HEMK2: variants seen among roughly 807,000 people sequenced by gnomAD.
The protein encoded by HEMK2 is HemK methyltransferase 2, ETF1 glutamine and histone H4 lysine.
At chr21:28,579,026 G>T in the HEMK2 span, among the ~76,000 whole-genome samples, 1 of 152,172 alleles carries the variant, frequency 6.6e-6, no homozygotes, top group African/African-American at 2.4e-5. Flanking sequence ...GGACTCCAGA[G>T]GTTATCAGAT....
At chr21:28,820,443 G>A in the HEMK2 span, among the ~76,000 whole-genome samples, 483 of 152,272 alleles carry the variant, frequency 3.2e-3, 3 homozygotes, top group Non-Finnish European at 5.4e-3. Flanking sequence ...ACAGACTTTT[G>A]TCACAAAACC....
chr21:28,614,816 G>T, the HEMK2 span, among the ~76,000 whole-genome samples: 1 of 151,986 alleles, frequency 6.6e-6, no homozygotes, highest in Non-Finnish European at 1.5e-5. Flanking sequence ...CGCTAACACA[G>T]CAGCCTCTAA....
the HEMK2 span, among the ~76,000 whole-genome samples, chr21:28,765,640 A>G: frequency 1.3e-5 from 2 of 152,064 alleles, no homozygotes; most frequent in South Asian, 2.1e-4. Flanking sequence ...TTCCACCGAC[A>G]CACAATTCCT....
chr21:28,841,306 A>AT, the HEMK2 span, among the ~76,000 whole-genome samples: 1 of 13,980 alleles, frequency 7.2e-5, no homozygotes, highest in Non-Finnish European at 9.7e-5. Context: ...TATATTATAT[A>AT]TAATATATAA....
At chr21:28,600,813 T>C in the HEMK2 span, among the ~76,000 whole-genome samples, 1 of 152,196 alleles carries the variant, frequency 6.6e-6, no homozygotes, top group Non-Finnish European at 1.5e-5. Context: ...CCCTAAATCA[T>C]TTCTCTCAAG....
At chr21:28,672,027 G>A in the HEMK2 span, among the ~76,000 whole-genome samples, 2,171 of 152,204 alleles carry the variant, frequency 0.014, 55 homozygotes, top group African/African-American at 0.05. Context: ...CCAGTCATAG[G>A]CAAGTTTAAA....
At chr21:28,865,831 ACT>A in the HEMK2 span, among the ~76,000 whole-genome samples, 3 of 151,270 alleles carry the variant, frequency 2.0e-5, no homozygotes, top group Non-Finnish European at 2.9e-5. Context: ...AGTCTCCAAA[ACT>A]CTCTGTGCGT....
chr21:28,601,604 A>ATCTCTCTCTCTCTC, the HEMK2 span, among the ~76,000 whole-genome samples: 406 of 126,732 alleles, frequency 3.2e-3, 6 homozygotes, highest in African/African-American at 0.011. Context: ...ACCTTCTGAC[A>ATCTCTCTCTCTCTC]TCTCTCTCTC....
the HEMK2 span, among the ~76,000 whole-genome samples, chr21:28,601,138 T>C: frequency 6.6e-6 from 1 of 152,232 alleles, no homozygotes; most frequent in Non-Finnish European, 1.5e-5. Context: ...TGCCTGGTTC[T>C]TTTCCTCATC....
the HEMK2 span, among the ~76,000 whole-genome samples, chr21:28,750,340 A>T: frequency 1.3e-5 from 2 of 152,330 alleles, no homozygotes; most frequent in African/African-American, 4.8e-5. Flanking sequence ...ACACAGTTTA[A>T]TAATTTAATA....
chr21:28,703,207 A>C, the HEMK2 span, among the ~76,000 whole-genome samples: 1 of 152,162 alleles, frequency 6.6e-6, no homozygotes, highest in African/African-American at 2.4e-5. Flanking sequence ...ACTACCTATC[A>C]GGTACTGTGC....
At chr21:28,836,004 A>C in the HEMK2 span, among the ~76,000 whole-genome samples, 2 of 152,296 alleles carry the variant, frequency 1.3e-5, no homozygotes, top group Admixed American at 6.5e-5. Flanking sequence ...TAAACAACCA[A>C]ACGTAATAAT....
chr21:28,632,547 C>T, the HEMK2 span, among the ~76,000 whole-genome samples: 69 of 152,290 alleles, frequency 4.5e-4, no homozygotes, highest in South Asian at 0.012. Context: ...AACCATTCTT[C>T]GGTTTAGTAG....
chr21:28,644,983 G>C, the HEMK2 span, among the ~76,000 whole-genome samples: 2 of 152,168 alleles, frequency 1.3e-5, no homozygotes, highest in Non-Finnish European at 2.9e-5. Context: ...TGAGTTATAG[G>C]AATGGAACTG....
At chr21:28,856,810 G>A in the HEMK2 span, among the ~76,000 whole-genome samples, 3 of 152,196 alleles carry the variant, frequency 2.0e-5, no homozygotes, top group African/African-American at 7.2e-5. Flanking sequence ...TCCCCTCGTG[G>A]GCCCATGCTA....
chr21:28,661,293 T>A, the HEMK2 span, among the ~76,000 whole-genome samples: 9 of 152,094 alleles, frequency 5.9e-5, no homozygotes, highest in Non-Finnish European at 8.8e-5. Context: ...GACACATAAA[T>A]TTCTAATTGC....
At chr21:28,722,011 T>C in the HEMK2 span, among the ~76,000 whole-genome samples, 4 of 151,944 alleles carry the variant, frequency 2.6e-5, no homozygotes, top group Non-Finnish European at 4.4e-5. Context: ...TCATAGCTTA[T>C]GCCTCAGTTG....
At chr21:28,813,185 T>G in the HEMK2 span, among the ~76,000 whole-genome samples, 1 of 152,298 alleles carries the variant, frequency 6.6e-6, no homozygotes, top group East Asian at 1.9e-4. Context: ...GATGACATGA[T>G]TGTATATTTA....
the HEMK2 span, among the ~76,000 whole-genome samples, chr21:28,695,095 A>G: frequency 6.6e-6 from 1 of 151,958 alleles, no homozygotes; most frequent in African/African-American, 2.4e-5. Flanking sequence ...GCGATCTTTT[A>G]TCTTGACTTT....
Sources: gnomAD v4.1 joint callset for allele counts (sites outside exome capture counted in the v4.1 genomes callset) on GRCh38, gnomAD v4.1.1 for gene constraint, MANE v1.5 for transcripts, NCBI Gene and HGNC (gene_info 2026-07-23, HGNC 2026-07-21) for gene names.